Variants in BRINP3 observed in about 807,000 individuals in gnomAD.
BRINP3 encodes the protein BMP/retinoic acid inducible neural specific 3.
In BRINP3, 19 loss-of-function variants were observed where a neutral mutation model predicts 71.0. The observed-to-expected ratio is 0.27, with a 90% CI of 0.19 to 0.39. BRINP3 has a LOEUF of 0.39. Ranked by LOEUF, BRINP3 falls within the 10% of genes least tolerant of loss-of-function variation. The pLI, the probability that BRINP3 is intolerant of heterozygous loss-of-function variation, is 1.00. For synonymous variants in BRINP3, 380 were observed against 337.7 expected, an observed-to-expected ratio of 1.13 and a Z score of -1.37; for missense variants, 959 against 940.8, an observed-to-expected ratio of 1.02 and a Z score of -0.25.
At chr1:190,134,331 A>G (rs753837400) in intron 7 of BRINP3, among the ~76,000 whole-genome samples, 1 of 152,126 alleles carries the variant, frequency 6.6e-6, no homozygotes, top group East Asian at 1.9e-4. Context: ...ACAAAGATCA[A>G]TGTTGCTGTA....
chr1:190,266,843 T>G (rs1403402615), intron 3 of BRINP3, among the ~76,000 whole-genome samples: 2 of 152,160 alleles, frequency 1.3e-5, no homozygotes, highest in African/African-American at 4.8e-5. Context: ...GCAAGAGACA[T>G]GTCTAAATAA....
At chr1:190,114,049 T>A (rs1214626980) in intron 7 of BRINP3, among the ~76,000 whole-genome samples, 1 of 152,172 alleles carries the variant, frequency 6.6e-6, no homozygotes, top group East Asian at 1.9e-4. Context: ...GTTGAAATGT[T>A]ATCCTCAGTG....
intron 3 of BRINP3, among the ~76,000 whole-genome samples, chr1:190,274,502 C>A (rs1158453259): frequency 6.6e-6 from 1 of 151,566 alleles, no homozygotes; most frequent in Non-Finnish European, 1.5e-5. Flanking sequence ...GAGTGAAAAT[C>A]CTTCTCACAG....
intron 2 of BRINP3, among the ~76,000 whole-genome samples, chr1:190,342,978 T>C (rs1230366387): frequency 6.6e-6 from 1 of 151,720 alleles, no homozygotes; most frequent in Non-Finnish European, 1.5e-5. Context: ...TTTAAGGAGG[T>C]AGACTTCATT....
chr1:190,261,153 T>C (rs1044657650), intron 4 of BRINP3, among the ~76,000 whole-genome samples: 1 of 152,034 alleles, frequency 6.6e-6, no homozygotes, highest in Non-Finnish European at 1.5e-5. Context: ...CTTTTCAAAA[T>C]ATACAATGTA....
intron 2 of BRINP3, among the ~76,000 whole-genome samples, chr1:190,422,648 A>G (rs1467010585): frequency 2.0e-5 from 3 of 151,826 alleles, no homozygotes; most frequent in Non-Finnish European, 4.4e-5. Context: ...TAAGTAGCAC[A>G]TACTGGTTTA....
chr1:190,439,876 GT>G (rs1443249322), intron 2 of BRINP3, among the ~76,000 whole-genome samples: 1 of 151,882 alleles, frequency 6.6e-6, no homozygotes, highest in Non-Finnish European at 1.5e-5. Flanking sequence ...TCGTGGGCAA[GT>G]TTTTTTAATT....
intron 7 of BRINP3, among the ~76,000 whole-genome samples, chr1:190,115,138 T>C (rs933980736): frequency 2.0e-5 from 3 of 152,198 alleles, no homozygotes; most frequent in African/African-American, 7.2e-5. Context: ...CCCCATGTAC[T>C]CAATAAATTA....
chr1:190,426,236 T>TG (rs1005661813), intron 2 of BRINP3, among the ~76,000 whole-genome samples: 13 of 151,804 alleles, frequency 8.6e-5, no homozygotes, highest in African/African-American at 3.1e-4. Flanking sequence ...GTAGACTACA[T>TG]GCAAATACTA....
chr1:190,391,355 T>C (rs919753362), intron 2 of BRINP3, among the ~76,000 whole-genome samples: 7 of 151,766 alleles, frequency 4.6e-5, no homozygotes, highest in African/African-American at 1.2e-4. Context: ...CAGTGCCTCA[T>C]AGTCAGTAAC....
chr1:190,413,563 G>A (rs910559157), intron 2 of BRINP3, among the ~76,000 whole-genome samples: 14 of 152,178 alleles, frequency 9.2e-5, no homozygotes, highest in African/African-American at 3.1e-4. Flanking sequence ...AGAGATTGGA[G>A]GGATGTGGCC....
At chr1:190,302,532 A>G (rs1270374195) in intron 2 of BRINP3, among the ~76,000 whole-genome samples, 5 of 151,842 alleles carry the variant, frequency 3.3e-5, no homozygotes, top group African/African-American at 1.2e-4. Flanking sequence ...CTCTCACTGC[A>G]GAATATTGGA....
At chr1:190,173,231 G>A (rs1442385444) in intron 6 of BRINP3, among the ~76,000 whole-genome samples, 1 of 152,180 alleles carries the variant, frequency 6.6e-6, no homozygotes, top group Non-Finnish European at 1.5e-5. Context: ...AATGGATCCA[G>A]ATATAAAACT....
chr1:190,158,077 CACCCA>C (rs1657021505), intron 7 of BRINP3, among the ~76,000 whole-genome samples: 1 of 152,090 alleles, frequency 6.6e-6, no homozygotes, highest in Non-Finnish European at 1.5e-5. Context: ...GCTGTGTTCC[CACCCA>C]AATCTCATCT....
intron 2 of BRINP3, among the ~76,000 whole-genome samples, chr1:190,377,313 G>A (rs1330154958): frequency 2.0e-5 from 3 of 151,708 alleles, no homozygotes; most frequent in South Asian, 2.1e-4. Flanking sequence ...CCTTTAGACC[G>A]TTTTCCAGAC....
chr1:190,473,194 T>C (rs1181930553), intron 1 of BRINP3, among the ~76,000 whole-genome samples: 1 of 151,940 alleles, frequency 6.6e-6, no homozygotes, highest in East Asian at 1.9e-4. Flanking sequence ...TGAGCATATC[T>C]ACTACAATAA....
At chr1:190,280,511 G>T (rs1325388060) in intron 3 of BRINP3, among the ~76,000 whole-genome samples, 1 of 151,844 alleles carries the variant, frequency 6.6e-6, no homozygotes, top group Admixed American at 6.6e-5. Context: ...GAGAGCAGGT[G>T]AGGAAAGAGT....
chr1:190,198,078 T>C (rs1654649952), intron 6 of BRINP3, among the ~76,000 whole-genome samples: 1 of 152,148 alleles, frequency 6.6e-6, no homozygotes, highest in African/African-American at 2.4e-5. Flanking sequence ...TGCCAAGGCT[T>C]GAAGCTACCA....
intron 2 of BRINP3, among the ~76,000 whole-genome samples, chr1:190,283,053 C>A (rs1663160637): frequency 6.6e-6 from 1 of 152,020 alleles, no homozygotes; most frequent in African/African-American, 2.4e-5. Context: ...CAGTTTCTAA[C>A]TATGGATATT....
Sources: allele counts gnomAD v4.1 joint callset (sites outside exome capture counted in the v4.1 genomes callset), GRCh38; gene constraint gnomAD v4.1.1; transcripts MANE v1.5; gene names NCBI Gene and HGNC (gene_info 2026-07-23, HGNC 2026-07-21).